The following ZEB1 variants were observed in gnomAD, a reference collection of about 807,000 sequenced individuals.
ZEB1 encodes zinc finger E-box binding homeobox 1.
Under a neutral mutation model 84.9 loss-of-function variants are expected in ZEB1, and 21 were observed. That is an observed-to-expected ratio of 0.25 (90% CI 0.18 to 0.36). The LOEUF is 0.36. ZEB1 is among the 10% of genes least tolerant of loss of function. The probability of loss-of-function intolerance (pLI) is 1.00; values close to 1 mark genes in which losing one functional copy is unlikely to be tolerated. For missense variants in ZEB1, 1,104 were observed against 1,330.2 expected (o/e 0.83, Z 2.65); for synonymous variants, 420 against 471.1 (o/e 0.89, Z 1.41).
At chr10:31,453,247 G>A (rs11008501) in intron 1 of ZEB1, among the ~76,000 whole-genome samples, 1 of 152,080 alleles carries the variant, frequency 6.6e-6, no homozygotes, top group Non-Finnish European at 1.5e-5. Flanking sequence ...GCCTTCGCCT[G>A]TGGCTTTAAT....
intron 1 of ZEB1, among the ~76,000 whole-genome samples, chr10:31,353,965 TATA>T (rs1404960156): frequency 2.6e-5 from 4 of 152,194 alleles, no homozygotes; most frequent in Non-Finnish European, 4.4e-5. Context: ...TTACATTGAA[TATA>T]ATAATTGAAA....
chr10:31,411,700 TC>T (rs2054322832), intron 1 of ZEB1, among the ~76,000 whole-genome samples: 1 of 149,480 alleles, frequency 6.7e-6, no homozygotes, highest in Admixed American at 6.7e-5. Context: ...GCTATAAATT[TC>T]TCTCCCACAA....
intron 1 of ZEB1, among the ~76,000 whole-genome samples, chr10:31,322,741 CTTG>C (rs2034448553): frequency 7.1e-6 from 1 of 139,912 alleles, no homozygotes; most frequent in African/African-American, 3.1e-5. Flanking sequence ...TGGTTTTCTT[CTTG>C]TTCTACCTTT....
intron 2 of ZEB1, among the ~76,000 whole-genome samples, chr10:31,492,930 CT>C (rs919892793): frequency 6.6e-6 from 1 of 151,846 alleles, no homozygotes; most frequent in Non-Finnish European, 1.5e-5. Context: ...TTAAATTAAA[CT>C]TTTTATTTTG....
At chr10:31,525,777 GA>G (rs1426756297) in intron 8 of ZEB1, among the ~76,000 whole-genome samples, 5 of 152,174 alleles carry the variant, frequency 3.3e-5, no homozygotes, top group Admixed American at 6.5e-5. Flanking sequence ...TTACATAAGA[GA>G]AAGTCACACC....
At chr10:31,394,205 A>G (rs1564702189) in intron 1 of ZEB1, among the ~76,000 whole-genome samples, 2 of 152,210 alleles carry the variant, frequency 1.3e-5, no homozygotes, top group African/African-American at 4.8e-5. Flanking sequence ...TTTTGAGCTA[A>G]GGGCACAGCA....
intron 1 of ZEB1, among the ~76,000 whole-genome samples, chr10:31,344,013 G>T (rs767552492): frequency 6.6e-6 from 1 of 152,112 alleles, no homozygotes; most frequent in African/African-American, 2.4e-5. Context: ...TGAGGAAAAG[G>T]TGCAGGCTAA....
intron 1 of ZEB1, chr10:31,360,859 G>T: frequency 9.6e-6 from 9 of 937,804 alleles, no homozygotes; most frequent in Non-Finnish European, 1.3e-5. Context: ...GCATTTACTA[G>T]TGCCACAGTA....
chr10:31,427,723 G>T (rs2057146013), intron 1 of ZEB1, among the ~76,000 whole-genome samples: 1 of 152,060 alleles, frequency 6.6e-6, no homozygotes, highest in African/African-American at 2.4e-5. Context: ...GCCGGGCGTG[G>T]TGGCGGGCGC....
chr10:31,331,081 C>CTT lies in ZEB1; in HGVS notation c.58+11814_58+11815dup, dbSNP rs548615284. On this transcript the variant is annotated intron_variant, in intron 1 of 8. Transcript: ENST00000424869. ...ATTTTCTTTTCTTTTTTCTTTCTTT[C>CTT]TTTTTTTTTTTTTTTTTTTTTTTTT... Among the ~76,000 whole-genome samples, 767 of 77,780 alleles carry CTT rather than the reference C, an allele frequency of 9.9e-3. 116 individuals are homozygous for CTT. Among genetic ancestry groups the CTT allele is most frequent in the African/African-American group, 0.037 (653 of 17,466 alleles). The allele number at this position is 77,780 out of a possible 152,430, so 51.0% of individuals were successfully genotyped here. A position where few individuals can be genotyped will look rare whatever the true frequency, so the allele number is the denominator to read the frequency against.
At chr10:31,471,450 A>T (rs920452824) in intron 2 of ZEB1, among the ~76,000 whole-genome samples, 1 of 151,702 alleles carries the variant, frequency 6.6e-6, no homozygotes, top group Non-Finnish European at 1.5e-5. Context: ...ACCAATAAAG[A>T]TCAAAAGAGA....
Position 31,470,000 on chromosome 10 carries a change from G to T in ZEB1, c.259+8763G>T, listed in dbSNP as rs528086140. 1.5e-3 allele frequency among the ~76,000 whole-genome samples: 232 copies of T among 152,170 alleles called. 1 individual carries two copies. The highest frequency in any genetic ancestry group is 4.7e-3 in the African/African-American group (194 of 41,524). On this transcript the variant is annotated intron_variant, in intron 2 of 8. Coordinates refer to ENST00000424869, the MANE Select transcript of ZEB1 (RefSeq NM_001174096.2). ...TACTCCAACAGACCTACAGCTGAGG[G>T]TCCTGTCTGTTAGAAGGAAAACTAA...
rs190480149 is a variant in ZEB1 at position 31,421,932 on chromosome 10, C to T, written c.59-39105C>T. Among the ~76,000 whole-genome samples, 236 of 151,958 alleles carry T rather than the reference C, an allele frequency of 1.6e-3. 1 individual carries two copies. Among genetic ancestry groups the T allele is most frequent in the African/African-American group, 4.1e-3 (171 of 41,422 alleles). On this transcript the variant is annotated intron_variant, in intron 1 of 8. Transcript: ENST00000424869. ...GCACCAACTCAAATCACAGTATTCCCCCCCTCCCCGCTGATTTCAAGTGAC... is the reference window on the plus strand; with the variant it reads ...GCACCAACTCAAATCACAGTATTCCTCCCCTCCCCGCTGATTTCAAGTGAC...
chr10:31,439,254 A>T (rs981002988), intron 1 of ZEB1, among the ~76,000 whole-genome samples: 1 of 152,150 alleles, frequency 6.6e-6, no homozygotes. Context: ...ATCTTAGATG[A>T]CTATTAAGGT....
intron 1 of ZEB1, among the ~76,000 whole-genome samples, chr10:31,415,561 A>T (rs2055078128): frequency 6.6e-6 from 1 of 152,092 alleles, no homozygotes; most frequent in Non-Finnish European, 1.5e-5. Flanking sequence ...GGACTTGTTT[A>T]AATTATCAGA....
chr10:31,437,048 G>T (rs992889820), intron 1 of ZEB1, among the ~76,000 whole-genome samples: 1 of 151,808 alleles, frequency 6.6e-6, no homozygotes, highest in African/African-American at 2.4e-5. Flanking sequence ...AGGATTTTTT[G>T]GTACTACAGT....
chr10:31,357,577 A>G (rs531553118), intron 1 of ZEB1, among the ~76,000 whole-genome samples: 1 of 152,328 alleles, frequency 6.6e-6, no homozygotes, highest in South Asian at 2.1e-4. Flanking sequence ...CATGTAATAC[A>G]CAATCACTGT....
At chr10:31,371,906 G>A (rs1419755158) in intron 1 of ZEB1, among the ~76,000 whole-genome samples, 1 of 152,044 alleles carries the variant, frequency 6.6e-6, no homozygotes, top group Non-Finnish European at 1.5e-5. Context: ...AATCATAAGT[G>A]GATTATTCAC....
chr10:31,428,562 A>AT (rs1036716949), intron 1 of ZEB1, among the ~76,000 whole-genome samples: 2 of 152,212 alleles, frequency 1.3e-5, no homozygotes, highest in Non-Finnish European at 2.9e-5. Context: ...AGTTCTGTAA[A>AT]TATCTATCAG....
Sources: gnomAD v4.1 joint callset for allele counts (sites outside exome capture counted in the v4.1 genomes callset) on GRCh38, gnomAD v4.1.1 for gene constraint, MANE v1.5 for transcripts, NCBI Gene and HGNC (gene_info 2026-07-23, HGNC 2026-07-21) for gene names.